FAM171A1: variants seen among roughly 807,000 people sequenced by gnomAD.
FAM171A1 encodes the protein family with sequence similarity 171 member A1.
A neutral mutation model predicts 74.9 loss-of-function variants in FAM171A1; 23 were observed. The observed-to-expected ratio is 0.31, with a 90% CI of 0.22 to 0.44. The LOEUF (loss-of-function observed/expected upper bound fraction) is 0.44. Ranked by LOEUF, FAM171A1 falls within the 20% of genes least tolerant of loss-of-function variation. The pLI, the probability that FAM171A1 is intolerant of heterozygous loss-of-function variation, is 1.00. For synonymous variants in FAM171A1, 527 were observed against 505.7 expected, an observed-to-expected ratio of 1.04 and a Z score of -0.57; for missense variants, 1,162 against 1,159.2, an observed-to-expected ratio of 1.00 and a Z score of -0.03.
chr10:15,336,106 G>T (rs1564283373), intron 1 of FAM171A1, among the ~76,000 whole-genome samples: 1 of 152,078 alleles, frequency 6.6e-6, no homozygotes, highest in Non-Finnish European at 1.5e-5. Flanking sequence ...CAACAATGTT[G>T]TATTCTGAGA....
In FAM171A1 at chr10:15,215,700, A is replaced by G. The variant is rs550547832; in HGVS notation, c.986+296T>C. Among the ~76,000 whole-genome samples, 6 of 152,270 alleles carry G rather than the reference A, an allele frequency of 3.9e-5. No homozygotes were observed. The South Asian group carries it at 1.2e-3, about 32-fold the overall frequency. ...AGAGTTCTGCTTTGCCCTTCAGAGTATCATCTCTTAATCAGCGTTCAGGAA... is the reference window on the plus strand; with the variant it reads ...AGAGTTCTGCTTTGCCCTTCAGAGTGTCATCTCTTAATCAGCGTTCAGGAA... On this transcript the variant is annotated intron_variant, in intron 7 of 7. Transcript: ENST00000378116.
At chr10:15,341,261 C>A (rs1454455026) in intron 1 of FAM171A1, among the ~76,000 whole-genome samples, 1 of 152,148 alleles carries the variant, frequency 6.6e-6, no homozygotes, top group East Asian at 1.9e-4. Context: ...AACAAAACAC[C>A]TCTGCTTAGC....
intron 1 of FAM171A1, among the ~76,000 whole-genome samples, chr10:15,287,633 G>A (rs1458758332): frequency 6.6e-6 from 1 of 151,904 alleles, no homozygotes; most frequent in South Asian, 2.1e-4. Flanking sequence ...TGATCTGCCC[G>A]CCTTGGCCTC....
chr10:15,347,911 C>T (rs914501318), intron 1 of FAM171A1, among the ~76,000 whole-genome samples: 1 of 151,790 alleles, frequency 6.6e-6, no homozygotes. Context: ...TGCGTTCTAC[C>T]CCAATGCTTG....
At chr10:15,355,494 G>C (rs557678550) in intron 1 of FAM171A1, among the ~76,000 whole-genome samples, 80 of 152,262 alleles carry the variant, frequency 5.3e-4, no homozygotes, top group Admixed American at 3.8e-3. Context: ...GAGGCAGGTA[G>C]ATCACCTGAG....
intron 1 of FAM171A1, among the ~76,000 whole-genome samples, chr10:15,292,847 T>C (rs1198897220): frequency 6.6e-6 from 1 of 152,130 alleles, no homozygotes; most frequent in East Asian, 1.9e-4. Flanking sequence ...AAAACACAAT[T>C]ATCATGCCTA....
rs1412751153 is a variant in FAM171A1 at position 15,212,734 on chromosome 10, A to G, written c.*181T>C. 2.3e-6 allele frequency: 2 copies of G among 879,374 alleles called. No homozygotes were observed. Among genetic ancestry groups the G allele is most frequent in the African/African-American group, 3.4e-5 (2 of 59,534 alleles). 54.5% of individuals were successfully genotyped at this position (879,374 alleles called of 1,614,324 possible). On this transcript the variant is annotated 3_prime_UTR_variant, in exon 8 of 8. Coordinates refer to ENST00000378116, the MANE Select transcript of FAM171A1 (RefSeq NM_001010924.2). ...GCGACATCCGCCAAAGTCATCCTTTATTCCGAGTAATAACTTTAATTCCTT... is the reference window on the plus strand; with the variant it reads ...GCGACATCCGCCAAAGTCATCCTTTGTTCCGAGTAATAACTTTAATTCCTT...
intron 5 of FAM171A1, among the ~76,000 whole-genome samples, chr10:15,243,326 AC>A (rs1313812832): frequency 2.6e-5 from 4 of 152,042 alleles, no homozygotes; most frequent in African/African-American, 9.7e-5. Flanking sequence ...CATGAGAATC[AC>A]CCCATCTCCA....
chr10:15,271,661 C>G lies in FAM171A1; in HGVS notation c.418+4194G>C, dbSNP rs189032294. Among the ~76,000 whole-genome samples, 18 of 152,214 alleles carry G rather than the reference C, an allele frequency of 1.2e-4. No individual in the cohort carries two copies. The East Asian group carries it at 3.3e-3, about 28-fold the overall frequency. ...GGTCGGATTACCCACAAAGGGAAGC[C>G]CATCAGACTAACAGCAGGTCTCTCG... On this transcript the variant is annotated intron_variant, in intron 3 of 7. Transcript: ENST00000378116.
intron 3 of FAM171A1, among the ~76,000 whole-genome samples, chr10:15,270,827 A>G (rs1834814421): frequency 6.6e-6 from 1 of 152,192 alleles, no homozygotes. Flanking sequence ...TGACTGTTAG[A>G]AGGAAAACTA....
intron 1 of FAM171A1, among the ~76,000 whole-genome samples, chr10:15,312,679 T>G (rs1250512278): frequency 9.3e-4 from 28 of 30,162 alleles, no homozygotes; most frequent in Non-Finnish European, 1.2e-3. Context: ...GTGTGTTTTT[T>G]TTTTTTTTTT....
intron 1 of FAM171A1, among the ~76,000 whole-genome samples, chr10:15,370,225 C>T (rs1219177726): frequency 5.4e-5 from 8 of 148,392 alleles, no homozygotes; most frequent in Non-Finnish European, 8.9e-5. Flanking sequence ...ACAAACTGAT[C>T]TGGAAAGGAT....
intron 1 of FAM171A1, among the ~76,000 whole-genome samples, chr10:15,369,600 C>T (rs1010209208): frequency 1.3e-5 from 2 of 152,118 alleles, no homozygotes; most frequent in African/African-American, 4.8e-5. Flanking sequence ...TAAGATATAC[C>T]AGGAAATGAT....
intron 1 of FAM171A1, among the ~76,000 whole-genome samples, chr10:15,341,582 T>TA (rs1450237722): frequency 1.3e-5 from 2 of 152,190 alleles, no homozygotes; most frequent in Non-Finnish European, 2.9e-5. Context: ...TTGCTCATGG[T>TA]AAAAACAAAT....
intron 1 of FAM171A1, among the ~76,000 whole-genome samples, chr10:15,363,245 A>C (rs1836017877): frequency 6.6e-6 from 1 of 152,260 alleles, no homozygotes; most frequent in African/African-American, 2.4e-5. Flanking sequence ...CACTTCGGGC[A>C]AAAGGGACAT....
intron 2 of FAM171A1, among the ~76,000 whole-genome samples, chr10:15,278,051 C>T (rs572518171): frequency 1.3e-5 from 2 of 152,146 alleles, no homozygotes; most frequent in Non-Finnish European, 2.9e-5. Context: ...CCACCGTGCC[C>T]GGGTAAGCAG....
chr10:15,225,370 A>G (rs1268133425), intron 5 of FAM171A1, among the ~76,000 whole-genome samples: 1 of 152,212 alleles, frequency 6.6e-6, no homozygotes, highest in Non-Finnish European at 1.5e-5. Flanking sequence ...TTCAAACTAA[A>G]GGGAACAGAA....
At chr10:15,236,972 A>G (rs1414807596) in intron 5 of FAM171A1, among the ~76,000 whole-genome samples, 1 of 152,186 alleles carries the variant, frequency 6.6e-6, no homozygotes, top group Non-Finnish European at 1.5e-5. Context: ...ACTTGCCTGT[A>G]GTCCTAGCTA....
At chr10:15,345,823 C>T (rs1835811822) in intron 1 of FAM171A1, among the ~76,000 whole-genome samples, 2 of 152,130 alleles carry the variant, frequency 1.3e-5, no homozygotes, top group South Asian at 4.1e-4. Context: ...ACAGATCAGC[C>T]ACATAAGGAA....
Sources: gnomAD v4.1 joint callset for allele counts (sites outside exome capture counted in the v4.1 genomes callset) on GRCh38, gnomAD v4.1.1 for gene constraint, MANE v1.5 for transcripts, NCBI Gene and HGNC (gene_info 2026-07-23, HGNC 2026-07-21) for gene names.